BABAM2: variants seen among roughly 807,000 people sequenced by gnomAD.
BABAM2 encodes BRISC and BRCA1-A complex member 2.
Under a neutral mutation model 54.7 loss-of-function variants are expected in BABAM2, and 31 were observed. That is an observed-to-expected ratio of 0.57 (90% CI 0.43 to 0.77). The LOEUF (loss-of-function observed/expected upper bound fraction) is 0.77. Ranked by LOEUF, BABAM2 falls within the 30% of genes least tolerant of loss-of-function variation. The pLI, the probability that BABAM2 is intolerant of heterozygous loss-of-function variation, is 0.00. For synonymous variants in BABAM2, 167 were observed against 162.9 expected, an observed-to-expected ratio of 1.03 and a Z score of -0.19; for missense variants, 364 against 455.8, an observed-to-expected ratio of 0.80 and a Z score of 1.83.
At chr2:27,955,594 T>C (rs1670026404) in intron 3 of BABAM2, among the ~76,000 whole-genome samples, 1 of 152,224 alleles carries the variant, frequency 6.6e-6, no homozygotes, top group African/African-American at 2.4e-5. Context: ...TTCCTCCCCA[T>C]TGCAAATGAA....
At chr2:28,336,701 A>G (rs1691500417) in intron 11 of BABAM2, among the ~76,000 whole-genome samples, 2 of 152,270 alleles carry the variant, frequency 1.3e-5, no homozygotes, top group African/African-American at 2.4e-5. Flanking sequence ...GAGCTGGAGC[A>G]TTCCAAGGCC....
chr2:28,230,376 CAACAGG>C (rs1681263928), intron 7 of BABAM2, among the ~76,000 whole-genome samples: 1 of 151,682 alleles, frequency 6.6e-6, no homozygotes, highest in Admixed American at 6.6e-5. Context: ...TGAGAGCTAA[CAACAGG>C]TCTAGAAAAT....
intron 2 of BABAM2, among the ~76,000 whole-genome samples, chr2:27,916,290 T>A (rs1009986874): frequency 1.4e-4 from 21 of 152,210 alleles, no homozygotes; most frequent in African/African-American, 5.1e-4. Context: ...CTAAAAAGTT[T>A]ACAGGAATAT....
intron 7 of BABAM2, among the ~76,000 whole-genome samples, chr2:28,189,734 G>A (rs1676700583): frequency 6.6e-6 from 1 of 151,914 alleles, no homozygotes; most frequent in Non-Finnish European, 1.5e-5. Flanking sequence ...TACAGATTAA[G>A]TAGTCAAAAA....
At chr2:28,013,665 TAAAAAA>T (rs55636414) in intron 4 of BABAM2, among the ~76,000 whole-genome samples, 683 of 58,062 alleles carry the variant, frequency 0.012, 6 homozygotes, top group Middle Eastern at 0.017. Context: ...GTCCAGCAAG[TAAAAAA>T]AAAAAAAAAA....
At chr2:28,254,552 C>T (rs544626208) in intron 10 of BABAM2, among the ~76,000 whole-genome samples, 7 of 151,562 alleles carry the variant, frequency 4.6e-5, no homozygotes, top group Non-Finnish European at 8.8e-5. Context: ...TTCAAGCAAA[C>T]GTGAAAGTAG....
At chr2:28,115,649 T>C (rs1007858618) in intron 6 of BABAM2, among the ~76,000 whole-genome samples, 2 of 150,924 alleles carry the variant, frequency 1.3e-5, no homozygotes, top group Non-Finnish European at 3.0e-5. Context: ...TAAAAATAAA[T>C]AAATAGATAA....
chr2:28,159,588 C>T (rs757178630), intron 7 of BABAM2, among the ~76,000 whole-genome samples: 38 of 152,080 alleles, frequency 2.5e-4, no homozygotes, highest in Non-Finnish European at 3.8e-4. Flanking sequence ...TTTCTAAAAT[C>T]GCCAGAATTG....
chr2:28,212,608 T>G (rs1679568354), intron 7 of BABAM2, among the ~76,000 whole-genome samples: 1 of 152,210 alleles, frequency 6.6e-6, no homozygotes, highest in Non-Finnish European at 1.5e-5. Context: ...AAAAGTAGTT[T>G]TTTAGGCCAG....
At chr2:27,997,198 C>T (rs983574618) in intron 4 of BABAM2, among the ~76,000 whole-genome samples, 1 of 152,110 alleles carries the variant, frequency 6.6e-6, no homozygotes, top group Non-Finnish European at 1.5e-5. Context: ...TAGGTGTTCA[C>T]TTCCAATATA....
chr2:27,968,517 C>T (rs897408002), intron 3 of BABAM2, among the ~76,000 whole-genome samples: 12 of 152,200 alleles, frequency 7.9e-5, no homozygotes, highest in African/African-American at 2.9e-4. Flanking sequence ...GGTTGGAGCC[C>T]CCACACAGAG....
At chr2:28,125,302 TA>T (rs749555576) in intron 6 of BABAM2, among the ~76,000 whole-genome samples, 9 of 151,544 alleles carry the variant, frequency 5.9e-5, no homozygotes, top group East Asian at 1.9e-4. Flanking sequence ...TTATTATTAT[TA>T]TTTTTTTTGA....
At chr2:28,275,948 G>A (rs867200540) in intron 10 of BABAM2, among the ~76,000 whole-genome samples, 1 of 147,636 alleles carries the variant, frequency 6.8e-6, no homozygotes, top group South Asian at 2.2e-4. Flanking sequence ...TAAATCATAT[G>A]TTTTTTAAAA....
chr2:28,125,447 C>G (rs1464215342), intron 6 of BABAM2, among the ~76,000 whole-genome samples: 1 of 152,006 alleles, frequency 6.6e-6, no homozygotes, highest in Non-Finnish European at 1.5e-5. Context: ...GCATGTGCCA[C>G]CACGCCTGGC....
chr2:28,241,263 T>C, intron 8 of BABAM2, 60 bp from the exon 9 acceptor site: 1 of 1,506,006 alleles, frequency 6.6e-7, no homozygotes, highest in Non-Finnish European at 9.2e-7. Context: ...TTGAAATTTC[T>C]TATAATAAAG....
chr2:28,046,182 C>T lies in BABAM2; in HGVS notation c.570+383C>T, dbSNP rs192035211. Among the ~76,000 whole-genome samples, 56 of 152,290 alleles carry T rather than the reference C, an allele frequency of 3.7e-4. No homozygotes were observed. In the East Asian group the frequency reaches 0.01, roughly 28 times the overall value. Reference sequence around the variant, plus strand: ...CGAGGTTCTGGCCCTTGGCCGGGCGCGGTGGCTCATGCCTGTAATCCCAGC... The same window carrying T: ...CGAGGTTCTGGCCCTTGGCCGGGCGTGGTGGCTCATGCCTGTAATCCCAGC... On this transcript the variant is annotated intron_variant, in intron 6 of 11. Coordinates refer to ENST00000379624, the MANE Select transcript of BABAM2 (RefSeq NM_199191.3).
chr2:28,092,759 T>TCTCTCTCTCTCTCTCACG (rs1666264054), intron 6 of BABAM2, among the ~76,000 whole-genome samples: 1 of 151,550 alleles, frequency 6.6e-6, no homozygotes, highest in African/African-American at 2.4e-5. Flanking sequence ...CCTCTCTCTC[T>TCTCTCTCTCTCTCTCACG]CTCTCTCTCT....
intron 6 of BABAM2, among the ~76,000 whole-genome samples, chr2:28,087,429 T>C (rs1040563372): frequency 1.3e-5 from 2 of 152,110 alleles, no homozygotes; most frequent in African/African-American, 4.8e-5. Flanking sequence ...CAGCACTTGC[T>C]TACCTGAGGC....
chr2:28,233,890 T>C (rs568258325), intron 7 of BABAM2, among the ~76,000 whole-genome samples: 30 of 152,286 alleles, frequency 2.0e-4, no homozygotes, highest in African/African-American at 7.0e-4. Context: ...TCCTGCTTGC[T>C]GCTGTGTGGG....
Sources: allele counts gnomAD v4.1 joint callset (sites outside exome capture counted in the v4.1 genomes callset), GRCh38; gene constraint gnomAD v4.1.1; transcripts MANE v1.5; gene names NCBI Gene and HGNC (gene_info 2026-07-23, HGNC 2026-07-21).